The following MAP3K5 variants were observed in gnomAD, a reference collection of about 807,000 sequenced individuals.
MAP3K5 encodes the protein mitogen-activated protein kinase kinase kinase 5, also known as ASK-1.
A neutral mutation model predicts 158.7 loss-of-function variants in MAP3K5; 56 were observed. The ratio of observed to expected loss-of-function variants is 0.35; its 90% confidence interval spans 0.28 to 0.44. The LOEUF (loss-of-function observed/expected upper bound fraction) is 0.44. Ranked by LOEUF, MAP3K5 falls within the 20% of genes least tolerant of loss-of-function variation. MAP3K5 has a pLI of 1.00. For missense variants in MAP3K5, 1,294 were observed against 1,674.8 expected, an observed-to-expected ratio of 0.77 and a Z score of 3.97; for synonymous variants, 579 against 601.7, an observed-to-expected ratio of 0.96 and a Z score of 0.55.
At chr6:136,561,274 A>C (rs1830498585) in intron 28 of MAP3K5, among the ~76,000 whole-genome samples, 1 of 152,104 alleles carries the variant, frequency 6.6e-6, no homozygotes, top group South Asian at 2.1e-4. Context: ...CCCTTCTCCA[A>C]CAACCTTCCC....
At chr6:136,766,142 A>G (rs1360287136) in intron 1 of MAP3K5, among the ~76,000 whole-genome samples, 1 of 152,180 alleles carries the variant, frequency 6.6e-6, no homozygotes, top group Non-Finnish European at 1.5e-5. Context: ...TAAAGCCAGA[A>G]CCCAAGCCAA....
At chr6:136,574,077 T>A (rs1562515921) in intron 25 of MAP3K5, among the ~76,000 whole-genome samples, 2 of 152,072 alleles carry the variant, frequency 1.3e-5, no homozygotes, top group South Asian at 4.1e-4. Flanking sequence ...ATTATAGGCA[T>A]GCGCCATCAT....
intron 14 of MAP3K5, among the ~76,000 whole-genome samples, chr6:136,629,938 G>T (rs1040551381): frequency 6.6e-6 from 1 of 152,016 alleles, no homozygotes; most frequent in Non-Finnish European, 1.5e-5. Context: ...TTTCAGTAGA[G>T]ATGGGGTTTC....
chr6:136,779,213 C>T (rs927638131), intron 1 of MAP3K5, among the ~76,000 whole-genome samples: 1 of 152,042 alleles, frequency 6.6e-6, no homozygotes, highest in African/African-American at 2.4e-5. Flanking sequence ...CACCACCATA[C>T]TCCAGCCTGG....
intron 15 of MAP3K5, among the ~76,000 whole-genome samples, chr6:136,620,578 T>C (rs1776754646): frequency 1.3e-5 from 2 of 152,190 alleles, no homozygotes; most frequent in South Asian, 2.1e-4. Flanking sequence ...ATGTGGCCTA[T>C]GACCACGGCC....
intron 1 of MAP3K5, among the ~76,000 whole-genome samples, chr6:136,757,332 C>G (rs1019466808): frequency 2.0e-5 from 3 of 152,162 alleles, no homozygotes; most frequent in Admixed American, 6.5e-5. Flanking sequence ...ATCTCAGTTT[C>G]AACACAGTTT....
intron 1 of MAP3K5, among the ~76,000 whole-genome samples, chr6:136,728,305 AG>A (rs1782064093): frequency 6.6e-6 from 1 of 152,150 alleles, no homozygotes; most frequent in Admixed American, 6.5e-5. Context: ...AGAAGAGTTG[AG>A]GGAAGATGTT....
At chr6:136,676,532 T>A (rs1470839415) in intron 7 of MAP3K5, among the ~76,000 whole-genome samples, 1 of 152,154 alleles carries the variant, frequency 6.6e-6, no homozygotes, top group East Asian at 1.9e-4. Context: ...ATAGCTTTTA[T>A]TGATTGTTGT....
At chr6:136,752,840 G>A (rs1303680539) in intron 1 of MAP3K5, among the ~76,000 whole-genome samples, 2 of 152,192 alleles carry the variant, frequency 1.3e-5, no homozygotes, top group Non-Finnish European at 2.9e-5. Flanking sequence ...AATGGCTGGA[G>A]GGGAAAGAGA....
chr6:136,767,919 T>C (rs1386454347), intron 1 of MAP3K5, among the ~76,000 whole-genome samples: 1 of 152,180 alleles, frequency 6.6e-6, no homozygotes, highest in Non-Finnish European at 1.5e-5. Flanking sequence ...ACAAGGGTGA[T>C]ACGAAAATCC....
At chr6:136,599,838 G>T (rs1775797924) in intron 21 of MAP3K5, among the ~76,000 whole-genome samples, 1 of 152,160 alleles carries the variant, frequency 6.6e-6, no homozygotes, top group African/African-American at 2.4e-5. Context: ...GAAGCAGGCT[G>T]GTCAGAAGGT....
chr6:136,748,308 TATTA>T (rs982002421), intron 1 of MAP3K5, among the ~76,000 whole-genome samples: 12 of 152,314 alleles, frequency 7.9e-5, no homozygotes, highest in East Asian at 7.7e-4. Context: ...ATTTGAACCG[TATTA>T]ATTTATACCT....
chr6:136,614,410 T>A, intron 15 of MAP3K5, 124 bp from the exon 16 acceptor site: 1 of 1,009,994 alleles, frequency 9.9e-7, no homozygotes, highest in Non-Finnish European at 1.5e-6. Flanking sequence ...AACAACCACT[T>A]AAGGCCTTTA....
chr6:136,601,476 G>A (rs908595260), intron 20 of MAP3K5, among the ~76,000 whole-genome samples: 8 of 152,104 alleles, frequency 5.3e-5, no homozygotes, highest in Non-Finnish European at 1.0e-4. Context: ...GGTAATCTGG[G>A]GTTTCAGCTC....
intron 6 of MAP3K5, among the ~76,000 whole-genome samples, chr6:136,695,212 A>C (rs1159421588): frequency 1.3e-5 from 2 of 152,138 alleles, no homozygotes; most frequent in Admixed American, 1.3e-4. Context: ...ATCTTGGCTC[A>C]CTGCAACTTC....
chr6:136,715,098 C>T (rs1255409630), intron 2 of MAP3K5, among the ~76,000 whole-genome samples: 1 of 152,160 alleles, frequency 6.6e-6, no homozygotes, highest in Admixed American at 6.5e-5. Flanking sequence ...ATAATCATTA[C>T]GTTTCAACAC....
intron 25 of MAP3K5, among the ~76,000 whole-genome samples, chr6:136,569,335 G>A (rs763975456): frequency 2.0e-4 from 30 of 152,156 alleles, no homozygotes; most frequent in Non-Finnish European, 3.5e-4. Flanking sequence ...TCAACTAAGA[G>A]TCTCACACTT....
chr6:136,737,737 C>T (rs1379297759), intron 1 of MAP3K5, among the ~76,000 whole-genome samples: 1 of 152,200 alleles, frequency 6.6e-6, no homozygotes, highest in Non-Finnish European at 1.5e-5. Context: ...TCAAAGAAAT[C>T]AGCATCAGCC....
At chr6:136,769,211 G>A (rs1053468224) in intron 1 of MAP3K5, among the ~76,000 whole-genome samples, 10 of 152,206 alleles carry the variant, frequency 6.6e-5, no homozygotes, top group African/African-American at 2.4e-4. Context: ...CAACATGGAT[G>A]AAGCACGAAA....
Sources: gnomAD v4.1 joint callset for allele counts (sites outside exome capture counted in the v4.1 genomes callset) on GRCh38, gnomAD v4.1.1 for gene constraint, MANE v1.5 for transcripts, NCBI Gene and HGNC (gene_info 2026-07-23, HGNC 2026-07-21) for gene names.